LIPA: variants seen among roughly 807,000 people sequenced by gnomAD.
The protein encoded by LIPA is lysosomal acid lipase/cholesteryl ester hydrolase.
LIPA carries 26 observed loss-of-function variants against 40.6 expected under a neutral mutation model. The observed-to-expected ratio is 0.64, with a 90% CI of 0.47 to 0.89. The LOEUF is 0.89. Ranked by LOEUF, LIPA falls within the 40% of genes least tolerant of loss-of-function variation. The probability of loss-of-function intolerance (pLI) is 0.00; values close to 1 mark genes in which losing one functional copy is unlikely to be tolerated. For synonymous variants in LIPA, 188 were observed against 168.4 expected (o/e 1.12, Z -0.90); for missense variants, 455 against 479.6 (o/e 0.95, Z 0.48).
intron 1 of LIPA, among the ~76,000 whole-genome samples, chr10:89,266,165 G>T (rs1274935459): frequency 6.6e-6 from 1 of 152,198 alleles, no homozygotes; most frequent in Non-Finnish European, 1.5e-5. Flanking sequence ...GCCTGCTGTT[G>T]TTTGTTGTTG....
intron 1 of LIPA, among the ~76,000 whole-genome samples, chr10:89,258,466 T>A (rs980011310): frequency 6.6e-6 from 1 of 151,900 alleles, no homozygotes; most frequent in Non-Finnish European, 1.5e-5. Context: ...CTTTTTTTTC[T>A]AAAAAAAAGA....
chr10:89,403,739 T>G (rs2133634976), intron 2 of LIPA: 1 of 1,217,946 alleles, frequency 8.2e-7, no homozygotes, highest in South Asian at 1.4e-5. Context: ...CACTTTCACA[T>G]TTCATTTCAT....
chr10:89,247,244 T>C (rs1462238067), intron 2 of LIPA, among the ~76,000 whole-genome samples: 3 of 151,754 alleles, frequency 2.0e-5, no homozygotes, highest in African/African-American at 7.3e-5. Flanking sequence ...TGGTGGTGCA[T>C]GCCTGTAGTC....
chr10:89,232,571 GAAAGGCAGGAA>G (rs1369517613), intron 3 of LIPA, among the ~76,000 whole-genome samples: 7 of 152,212 alleles, frequency 4.6e-5, no homozygotes, highest in African/African-American at 1.7e-4. Context: ...AGTGTCCAGA[GAAAGGCAGGAA>G]TGGTTTGAAA....
chr10:89,387,264 C>T lies in LIPA; in HGVS notation c.61+25527G>A, dbSNP rs535527399. ...CCAGGAGGTGGAGCTTGCAGTGAGC[C>T]GAGAGATCCCGCCACTGTACTCCAG... is the stretch of plus-strand genomic sequence containing the variant. On this transcript the variant is annotated intron_variant, in intron 2 of 8. Coordinates refer to the LIPA transcript ENST00000371837. Among the ~76,000 whole-genome samples the T allele has an allele frequency of 1.8e-3, 263 of 144,818 alleles. 1 individual carries two copies. Among genetic ancestry groups the T allele is most frequent in the African/African-American group, 6.1e-3 (241 of 39,390 alleles).
At chr10:89,332,429 A>G in intron 1 of LIPA, 32 of 1,365,950 alleles carry the variant, frequency 2.3e-5, no homozygotes, top group Non-Finnish European at 3.0e-5. Flanking sequence ...GTTCTCACAG[A>G]TTCTGTTTCA....
chr10:89,276,595 T>A (rs1843290605), intron 1 of LIPA, among the ~76,000 whole-genome samples: 1 of 152,224 alleles, frequency 6.6e-6, no homozygotes, highest in African/African-American at 2.4e-5. Flanking sequence ...TCAAATGACC[T>A]TAACCAAGTT....
chr10:89,301,530 C>T (rs528670788), intron 1 of LIPA, among the ~76,000 whole-genome samples: 23 of 152,306 alleles, frequency 1.5e-4, no homozygotes, highest in African/African-American at 5.3e-4. Flanking sequence ...GTTCTTCTAA[C>T]TCACTACGCA....
chr10:89,252,500 AAC>A (rs1360391429), upstream of LIPA, among the ~76,000 whole-genome samples: 1 of 147,284 alleles, frequency 6.8e-6, no homozygotes, highest in Non-Finnish European at 1.5e-5. Context: ...AAAACAAACA[AAC>A]AACAACAACA....
chr10:89,241,248 T>C (rs1181534319), intron 3 of LIPA, among the ~76,000 whole-genome samples: 1 of 152,208 alleles, frequency 6.6e-6, no homozygotes, highest in Non-Finnish European at 1.5e-5. Flanking sequence ...AGATAAGCTG[T>C]ACAGCTGACC....
intron 1 of LIPA, among the ~76,000 whole-genome samples, chr10:89,272,958 A>G (rs975951745): frequency 2.0e-5 from 3 of 152,120 alleles, no homozygotes; most frequent in Admixed American, 2.0e-4. Context: ...TTTCTTATAA[A>G]TGTGTTCCTT....
chr10:89,308,021 G>A (rs955483915), intron 1 of LIPA: 2 of 152,456 alleles, frequency 1.3e-5, no homozygotes, highest in Admixed American at 6.5e-5. Context: ...AGCTAGAAGC[G>A]ACGGGTACAA....
intron 2 of LIPA, chr10:89,383,535 C>T (rs775016520): frequency 1.9e-6 from 3 of 1,614,048 alleles, no homozygotes; most frequent in Non-Finnish European, 2.5e-6. Context: ...CCCTGGTCAG[C>T]TTGAAAAAGG....
At chr10:89,368,236 C>T (rs1474729166) in intron 2 of LIPA, among the ~76,000 whole-genome samples, 2 of 152,178 alleles carry the variant, frequency 1.3e-5, no homozygotes, top group Non-Finnish European at 2.9e-5. Context: ...AATTCATATT[C>T]CACTAGCACA....
At chr10:89,331,679 T>C (rs2133543027) in intron 1 of LIPA, among the ~76,000 whole-genome samples, 1 of 151,618 alleles carries the variant, frequency 6.6e-6, no homozygotes, top group Non-Finnish European at 1.5e-5. Flanking sequence ...GGCAACATAG[T>C]GAGACCCCGT....
intron 2 of LIPA, among the ~76,000 whole-genome samples, chr10:89,377,261 CAG>C (rs1161964239): frequency 3.3e-5 from 5 of 152,154 alleles, no homozygotes; most frequent in Non-Finnish European, 7.4e-5. Context: ...ATAGTAGAAA[CAG>C]AAGAAACATA....
chr10:89,259,557 C>CAAGAGAATGA (rs755646042), intron 1 of LIPA, among the ~76,000 whole-genome samples: 4 of 152,110 alleles, frequency 2.6e-5, no homozygotes, highest in Non-Finnish European at 5.9e-5. Context: ...AGTATTTACT[C>CAAGAGAATGA]AAGAGAAATG....
intron 2 of LIPA, chr10:89,404,523 A>G (rs969872709): frequency 6.6e-6 from 1 of 152,266 alleles, no homozygotes; most frequent in Non-Finnish European, 1.5e-5. Flanking sequence ...ACTGCCCCTC[A>G]TGAATATTCA....
intron 1 of LIPA, among the ~76,000 whole-genome samples, chr10:89,329,764 T>C (rs1159416505): frequency 6.6e-6 from 1 of 152,168 alleles, no homozygotes; most frequent in Non-Finnish European, 1.5e-5. Context: ...CTGTAGTTAG[T>C]GGTTTCATGC....
Sources: gnomAD v4.1 joint callset for allele counts (sites outside exome capture counted in the v4.1 genomes callset) on GRCh38, gnomAD v4.1.1 for gene constraint, MANE v1.5 for transcripts, NCBI Gene and HGNC (gene_info 2026-07-23, HGNC 2026-07-21) for gene names.